The following VPS8 variants were observed in gnomAD, a reference collection of about 807,000 sequenced individuals.
VPS8 encodes vacuolar protein sorting-associated protein 8 homolog.
A neutral mutation model predicts 216.4 loss-of-function variants in VPS8; 129 were observed. The ratio of observed to expected loss-of-function variants is 0.60; its 90% CI spans 0.52 to 0.69. VPS8 has a LOEUF of 0.69. Ranked by LOEUF, VPS8 falls within the 30% of genes least tolerant of loss-of-function variation. The pLI is 0.00. For synonymous variants in VPS8, 571 were observed against 565.4 expected (o/e 1.01, Z -0.14); for missense variants, 1,531 against 1,683.5 (o/e 0.91, Z 1.59).
At chr3:184,877,410 T>C (rs140670568) in intron 21 of VPS8, among the ~76,000 whole-genome samples, 126 of 152,312 alleles carry the variant, frequency 8.3e-4, no homozygotes, top group African/African-American at 1.6e-3. Context: ...TATGAACTTA[T>C]GTTGTAGAGC....
chr3:185,010,598 G>A (rs190568756), intron 45 of VPS8, among the ~76,000 whole-genome samples: 117 of 152,166 alleles, frequency 7.7e-4, no homozygotes, highest in African/African-American at 2.7e-3. Flanking sequence ...CTGAGATGAA[G>A]AATATACTAG....
intron 28 of VPS8, among the ~76,000 whole-genome samples, chr3:184,919,507 G>T (rs1206996191): frequency 6.6e-6 from 1 of 152,126 alleles, no homozygotes; most frequent in African/African-American, 2.4e-5. Flanking sequence ...ATCTGGTATT[G>T]TAATTTATTT....
intron 21 of VPS8, among the ~76,000 whole-genome samples, chr3:184,883,251 C>A (rs1730585206): frequency 6.6e-6 from 1 of 152,166 alleles, no homozygotes; most frequent in African/African-American, 2.4e-5. Flanking sequence ...CTTTTCATCT[C>A]ACTCTATTGT....
chr3:184,856,657 C>A (rs979750436), intron 14 of VPS8, among the ~76,000 whole-genome samples: 1 of 152,018 alleles, frequency 6.6e-6, no homozygotes, highest in African/African-American at 2.4e-5. Flanking sequence ...TTTTTTGTCT[C>A]CCCCATTGCT....
chr3:184,976,863 G>C (rs530977083), intron 40 of VPS8, among the ~76,000 whole-genome samples: 1 of 152,030 alleles, frequency 6.6e-6, no homozygotes, highest in Non-Finnish European at 1.5e-5. Flanking sequence ...CCAGTCCACT[G>C]TTGATGGGCA....
intron 1 of VPS8, among the ~76,000 whole-genome samples, chr3:184,815,325 C>T (rs563190040): frequency 4.6e-5 from 7 of 152,088 alleles, no homozygotes; most frequent in Admixed American, 1.3e-4. Context: ...ACTGGCAGTG[C>T]GGTAGGTCTG....
At chr3:184,828,012 G>A (rs770282269) in intron 3 of VPS8, among the ~76,000 whole-genome samples, 36 of 152,078 alleles carry the variant, frequency 2.4e-4, no homozygotes, top group Non-Finnish European at 5.0e-4. Context: ...AATGAAAAGG[G>A]CCGAAGTAGA....
intron 46 of VPS8, among the ~76,000 whole-genome samples, chr3:185,047,788 A>G (rs1467053): frequency 0.48 from 72,876 of 151,918 alleles, 17,794 homozygotes; most frequent in East Asian, 0.67. Context: ...CTAAAGTTAC[A>G]TAGCAGGTTA....
intron 14 of VPS8, among the ~76,000 whole-genome samples, chr3:184,859,358 T>G (rs6444000): frequency 0.46 from 70,345 of 152,048 alleles, 17,220 homozygotes; most frequent in East Asian, 0.67. Flanking sequence ...ATTTGATGTT[T>G]GTTCTTGCTT....
chr3:184,854,146 A>G lies in VPS8; in HGVS notation c.1008A>G (p.Lys336=). The G allele has an allele frequency of 1.2e-6, 2 of 1,613,842 alleles. No homozygotes were observed. Among genetic ancestry groups the G allele is most frequent in the Non-Finnish European group, 1.7e-6 (2 of 1,179,780 alleles). ...ILVIGLKPSL[K]VWMTFPYGRM... ...TCATTGGATTGAAACCATCCTTGAA[A>G]GTATGGATGACTTTTCCCTATGGCC... Residue 336 remains lysine, a synonymous_variant, in exon 13 of 48, where the codon AAA becomes AAG. Coordinates refer to ENST00000625842, the MANE Select transcript of VPS8 (RefSeq NM_001009921.3).
At chr3:185,004,903 G>GT (rs1553902216) in intron 45 of VPS8, among the ~76,000 whole-genome samples, 1 of 137,030 alleles carries the variant, frequency 7.3e-6, no homozygotes, top group Non-Finnish European at 1.6e-5. Flanking sequence ...TTTTTGTTTT[G>GT]TTTTTTATTT....
At chr3:184,820,267 C>T (rs1461241288) in intron 1 of VPS8, among the ~76,000 whole-genome samples, 1 of 152,122 alleles carries the variant, frequency 6.6e-6, no homozygotes, top group Non-Finnish European at 1.5e-5. Flanking sequence ...TCTCGGAGAC[C>T]ATCTGTTTCC....
chr3:184,843,094 T>C, intron 7 of VPS8, 146 bp from the exon 8 acceptor site: 1 of 485,522 alleles, frequency 2.1e-6, no homozygotes, highest in East Asian at 3.3e-5. Flanking sequence ...GAGGCATCAC[T>C]TAATCAAATT....
intron 9 of VPS8, 82 bp downstream of exon 9, chr3:184,849,277 C>T: frequency 1.3e-6 from 2 of 1,483,868 alleles, no homozygotes; most frequent in South Asian, 2.5e-5. Flanking sequence ...AGATCAAAGA[C>T]CAAAATACGT....
rs1040429868 is a variant in VPS8 at position 184,954,965 on chromosome 3, A to G, written c.3036-2409A>G. Among the ~76,000 whole-genome samples the G allele has an allele frequency of 2.0e-5, 3 of 152,258 alleles. No individual in the cohort carries two copies. In the East Asian group the frequency reaches 5.8e-4, roughly 29 times the overall value. ...CCGGTGGGTATAGGGTCAGGTGTTG[A>G]CGGGATATTGTGAGAAGTGACCTAG... On this transcript the variant is annotated intron_variant, in intron 36 of 47. Coordinates refer to ENST00000625842, the MANE Select transcript of VPS8 (RefSeq NM_001009921.3).
chr3:184,960,932 T>C (rs1270394879), intron 37 of VPS8, among the ~76,000 whole-genome samples: 3 of 152,226 alleles, frequency 2.0e-5, no homozygotes, highest in Admixed American at 1.3e-4. Flanking sequence ...CTGTAGTGCA[T>C]GCTCTTAATT....
rs115115023 is a variant in VPS8, at chr3:185,045,409, G to A, written c.4057-3070G>A. 4.4e-3 allele frequency among the ~76,000 whole-genome samples: 672 copies of A among 152,268 alleles called. 5 individuals carry two copies. The highest frequency in any genetic ancestry group is 0.015 in the African/African-American group (628 of 41,558). On this transcript the variant is annotated intron_variant, in intron 46 of 47. Transcript: ENST00000625842. The stretch of plus-strand genomic sequence containing the variant: ...TAGGAGTAGTACCATCCCTGTTCTT[G>A]AGAACTTGCCCTGTAGGGTGGCAGT...
intron 1 of VPS8, among the ~76,000 whole-genome samples, chr3:184,821,461 A>G (rs528011475): frequency 2.7e-4 from 41 of 152,022 alleles, no homozygotes; most frequent in Non-Finnish European, 5.4e-4. Context: ...CTCCTGCCTC[A>G]GCCTCCTGAG....
chr3:184,942,135 C>T (rs13066369), intron 36 of VPS8, among the ~76,000 whole-genome samples: 34,366 of 151,660 alleles, frequency 0.23, 4,852 homozygotes, highest in East Asian at 0.63. Context: ...TTTGGTATTG[C>T]GGTCACTATT....
Sources: gnomAD v4.1 joint callset for allele counts (sites outside exome capture counted in the v4.1 genomes callset) on GRCh38, gnomAD v4.1.1 for gene constraint, MANE v1.5 for transcripts, NCBI Gene and HGNC (gene_info 2026-07-23, HGNC 2026-07-21) for gene names.